Variants in ITIH2 observed in about 807,000 individuals in gnomAD.
The protein encoded by ITIH2 is inter-alpha-trypsin inhibitor heavy chain H2.
ITIH2 carries 103 observed loss-of-function variants against 104.4 expected under a neutral mutation model. The observed-to-expected ratio is 0.99, with a 90% CI of 0.84 to 1.16. The LOEUF (loss-of-function observed/expected upper bound fraction) is 1.16. Ranked by LOEUF, ITIH2 falls within the 50% of genes most tolerant of loss-of-function variation. ITIH2 has a pLI of 0.00. For missense variants in ITIH2, 1,108 were observed against 1,162.4 expected, an observed-to-expected ratio of 0.95 and a Z score of 0.68; for synonymous variants, 436 against 435.4, an observed-to-expected ratio of 1.00 and a Z score of -0.02.
chr10:7,737,637 TATAGA>T (rs1158068117), intron 15 of ITIH2, among the ~76,000 whole-genome samples: 1 of 102,308 alleles, frequency 9.8e-6, no homozygotes, highest in Non-Finnish European at 1.8e-5. Context: ...TTCTATATTC[TATAGA>T]ATATTCTATA....
chr10:7,709,126 GC>G lies in ITIH2; in HGVS notation c.298del (p.Gln100SerfsTer22), dbSNP rs763495442. ...IQSKVVNNSPQPQNVVFDVQI... is the reference protein window; with the variant it reads ...IQSKVVNNSPXPQNVVFDVQI... ...AGAGCAAAGTGGTGAACAATTCCCCGCAGCCTCAGAATGTCGTGTTTGATGT... is the reference window on the plus strand; with the variant it reads ...AGAGCAAAGTGGTGAACAATTCCCCGAGCCTCAGAATGTCGTGTTTGATGT... On this transcript the variant is annotated frameshift_variant, in exon 4 of 21. Coordinates refer to ENST00000358415, the MANE Select transcript of ITIH2 (RefSeq NM_002216.3). LOFTEE classifies it high-confidence loss of function. The G allele has an allele frequency of 6.2e-7, 1 of 1,613,954 alleles. No homozygotes were observed. Among genetic ancestry groups the G allele is most frequent in the South Asian group, 1.1e-5 (1 of 91,054 alleles).
intron 9 of ITIH2, among the ~76,000 whole-genome samples, chr10:7,725,730 A>G (rs547967589): frequency 1.3e-5 from 2 of 152,220 alleles, no homozygotes; most frequent in Non-Finnish European, 2.9e-5. Context: ...CACGTTGGCC[A>G]TGGAAGCGTG....
chr10:7,732,286 G>A (rs371308789), intron 13 of ITIH2, 52 bp from the exon 14 acceptor site: 110 of 1,564,988 alleles, frequency 7.0e-5, no homozygotes, highest in Admixed American at 5.3e-4. Context: ...GTGAATCAAT[G>A]AACTATAATT....
chr10:7,746,067 TTAAAAAAAAAA>T (rs1835174426), intron 19 of ITIH2, among the ~76,000 whole-genome samples: 6 of 51,090 alleles, frequency 1.2e-4, no homozygotes, highest in African/African-American at 5.5e-4. Context: ...AATCTTAAAT[TTAAAAAAAAAA>T]AAAAAAAAAA....
At chr10:7,714,830 G>A (rs1008724852) in intron 5 of ITIH2, among the ~76,000 whole-genome samples, 1 of 152,186 alleles carries the variant, frequency 6.6e-6, no homozygotes, top group East Asian at 1.9e-4. Flanking sequence ...TGATGTGTCA[G>A]CTGAGCCCAA....
At position 7,732,885 on chromosome 10, in the gene ITIH2, G is replaced by A. The variant is rs192992207; in HGVS notation, c.1787+408G>A. Among the ~76,000 whole-genome samples, 135 of 151,876 alleles carry A rather than the reference G, an allele frequency of 8.9e-4. 1 individual carries two copies. In the East Asian group the frequency reaches 0.022, roughly 24 times the overall value. On this transcript the variant is annotated intron_variant, in intron 14 of 20. Transcript: ENST00000358415. ...TGGGATTACTGGTGCCCACCACCAC[G>A]CCCAGCTAATTTTTTTGTATTTTAG...
chr10:7,723,635 C>T, intron 9 of ITIH2, 68 bp downstream of exon 9: 1 of 984,960 alleles, frequency 1.0e-6, no homozygotes, highest in Non-Finnish European at 1.6e-6. Context: ...CCTAAAAATG[C>T]AATCATTCTA....
chr10:7,749,436 G>A lies in ITIH2; in HGVS notation c.*102G>A, dbSNP rs73628461. On this transcript the variant is annotated 3_prime_UTR_variant, in exon 21 of 21. Coordinates refer to ENST00000358415, the MANE Select transcript of ITIH2 (RefSeq NM_002216.3). Reference sequence around the variant, plus strand: ...AATAATTAAAATGAACCAGATATCAGGGTGGTTAATTAAAATGAACCAGAT... The same window carrying A: ...AATAATTAAAATGAACCAGATATCAAGGTGGTTAATTAAAATGAACCAGAT... 1.3e-3 allele frequency: 1,286 copies of A among 1,026,428 alleles called. 10 individuals are homozygous for A. The African/African-American group carries it at 0.02, about 16-fold the overall frequency. 63.6% of individuals were successfully genotyped at this position (1,026,428 alleles called of 1,614,324 possible).
intron 4 of ITIH2, among the ~76,000 whole-genome samples, chr10:7,710,042 C>T (rs552981391): frequency 1.3e-5 from 2 of 152,136 alleles, no homozygotes; most frequent in African/African-American, 4.8e-5. Context: ...TTAGTAGAGA[C>T]GGAGTTTCAC....
chr10:7,738,273 ATAT>A (rs1317808885), intron 15 of ITIH2, among the ~76,000 whole-genome samples: 1 of 124,614 alleles, frequency 8.0e-6, no homozygotes, highest in African/African-American at 3.0e-5. Context: ...ATTCTATATA[ATAT>A]TATATATTAT....
chr10:7,737,675 T>TATA (rs1554766675), intron 15 of ITIH2, among the ~76,000 whole-genome samples: 1 of 24,218 alleles, frequency 4.1e-5, no homozygotes, highest in Non-Finnish European at 6.9e-5. Flanking sequence ...TTATATTCTA[T>TATA]ATTTTCTATA....
rs752135480 is a variant in ITIH2, at chr10:7,749,413, T to A, written c.*79T>A. The stretch of plus-strand genomic sequence containing the variant: ...TTTTGCAGATATTCTTCGGTTTGAA[T>A]AATTAAAATGAACCAGATATCAGGG... On this transcript the variant is annotated 3_prime_UTR_variant, in exon 21 of 21. Coordinates refer to ENST00000358415, the MANE Select transcript of ITIH2 (RefSeq NM_002216.3). The A allele has an allele frequency of 5.8e-5, 73 of 1,255,652 alleles. No homozygotes were observed. The highest frequency in any genetic ancestry group is 7.1e-5 in the Non-Finnish European group (64 of 895,132). 77.8% of individuals were successfully genotyped at this position (1,255,652 alleles called of 1,614,324 possible).
rs1834985840 is a variant in ITIH2 at position 7,729,978 on chromosome 10, A to G, written c.1306A>G (p.Lys436Glu). The change falls in exon 12 of 21, where the codon AAA becomes GAA. Residue 436 changes from lysine (K) to glutamate (E), a missense_variant. By Grantham distance (56) the Lys-to-Glu change is moderately conservative (BLOSUM62 1). Transcript: ENST00000358415. The part of the protein sequence containing the change: ...VGELKLSKIQ[K>E]NVKENIQDNI... ...CGAACTAAAACTGTCAAAAATTCAG[A>G]AAAACGTTAAGGAGAACATCCAAGA... 6.2e-7 allele frequency: 1 copy of G among 1,605,378 alleles called. No homozygotes were observed. The highest frequency in any genetic ancestry group is 1.7e-5 in the Admixed American group (1 of 58,142).
intron 6 of ITIH2, among the ~76,000 whole-genome samples, chr10:7,719,760 CA>C (rs71385664): frequency 0.11 from 4,766 of 41,498 alleles, 54 homozygotes; most frequent in Admixed American, 0.19. Context: ...GACCCTGTCT[CA>C]AAAAAAAAAA....
chr10:7,737,759 T>A lies in ITIH2; in HGVS notation c.1958-862T>A, dbSNP rs189447514. 1.1e-4 allele frequency among the ~76,000 whole-genome samples: 2 copies of A among 17,986 alleles called. 1 individual carries two copies. The highest frequency in any genetic ancestry group is 1.8e-4 in the Non-Finnish European group (2 of 11,240). The allele number at this position is 17,986 out of a possible 152,430, so 11.8% of individuals were successfully genotyped here. ...TTATATTCTATATAATATTCTATATTATATTCTATATAATATTCTATATTA... is the reference window on the plus strand; with the variant it reads ...TTATATTCTATATAATATTCTATATAATATTCTATATAATATTCTATATTA... On this transcript the variant is annotated intron_variant, in intron 15 of 20. Coordinates refer to ENST00000358415, the MANE Select transcript of ITIH2 (RefSeq NM_002216.3).
At chr10:7,726,328 A>G (rs1834951237) in intron 9 of ITIH2, among the ~76,000 whole-genome samples, 1 of 152,252 alleles carries the variant, frequency 6.6e-6, no homozygotes, top group Admixed American at 6.5e-5. Flanking sequence ...GCAAAGGACA[A>G]TTGCTGGAGC....
chr10:7,745,953 C>T (rs896237920), intron 19 of ITIH2, among the ~76,000 whole-genome samples: 1 of 149,922 alleles, frequency 6.7e-6, no homozygotes, highest in Admixed American at 6.6e-5. Flanking sequence ...GGGGTTTCTC[C>T]ATGTTGGTCA....
chr10:7,738,791 A>C (rs1835097544), intron 16 of ITIH2, 33 bp downstream of exon 16: 1 of 1,537,436 alleles, frequency 6.5e-7, no homozygotes, highest in African/African-American at 1.4e-5. Flanking sequence ...ACGTCCCAGA[A>C]CTCAGCCGAC....
chr10:7,743,994 C>T (rs1835151508), intron 17 of ITIH2, 88 bp from the exon 18 acceptor site: 1 of 911,996 alleles, frequency 1.1e-6, no homozygotes, highest in South Asian at 2.2e-5. Context: ...TCCAATATTG[C>T]CAAGTTTTTA....
Sources: gnomAD v4.1 joint callset for allele counts (sites outside exome capture counted in the v4.1 genomes callset) on GRCh38, gnomAD v4.1.1 for gene constraint, MANE v1.5 for transcripts, NCBI Gene and HGNC (gene_info 2026-07-23, HGNC 2026-07-21) for gene names.